TSBP1: variants seen among roughly 807,000 people sequenced by gnomAD.
The protein encoded by TSBP1 is testis expressed basic protein 1.
In TSBP1, 56 loss-of-function variants were observed where a neutral mutation model predicts 68.8. The ratio of observed to expected loss-of-function variants is 0.81; its 90% CI spans 0.66 to 1.02. The LOEUF is 1.02. Among genes scored for constraint, TSBP1 ranks in the 50% least tolerant of loss-of-function variants. The pLI is 0.00. For missense variants in TSBP1, 502 were observed against 641.2 expected (o/e 0.78, Z 2.34); for synonymous variants, 171 against 208.7 (o/e 0.82, Z 1.56).
intron 22 of TSBP1, among the ~76,000 whole-genome samples, chr6:32,297,900 T>A (rs937335358): frequency 1.3e-4 from 20 of 151,694 alleles, no homozygotes; most frequent in South Asian, 2.1e-4. Flanking sequence ...CTCTATTTTT[T>A]AAAAAAAATA....
At chr6:32,349,837 G>A in intron 8 of TSBP1, 77 bp from the exon 9 acceptor site, 1 of 1,538,462 alleles carries the variant, frequency 6.5e-7, no homozygotes, top group East Asian at 2.2e-5. Flanking sequence ...ACACTATATT[G>A]CAGAAAGGTT....
Position 32,315,593 on chromosome 6 carries a change from T to A in TSBP1, c.580+179A>T, listed in dbSNP as rs116758467. ...AAACAAAACAAAAAAACCTAAATAA[T>A]GGGAAATATTACAGTTATGAATCAA... is the stretch of plus-strand genomic sequence containing the variant. On this transcript the variant is annotated intron_variant, in intron 19 of 22. Coordinates refer to ENST00000612031, the Ensembl canonical transcript of TSBP1. This position sits in a 1 kb window ranked among gnomAD's most constrained non-coding sequence, Gnocchi z 5.4. Among the ~76,000 whole-genome samples the A allele has an allele frequency of 0.026, 3,972 of 152,110 alleles. 128 individuals carry two copies. The highest frequency in any genetic ancestry group is 0.15 in the East Asian group (784 of 5,172).
intron 17 of TSBP1, 96 bp downstream of exon 18, chr6:32,323,495 G>C (rs199605309): frequency 2.7e-5 from 12 of 447,864 alleles, no homozygotes; most frequent in Non-Finnish European, 3.8e-5. Context: ...GCTGCACACA[G>C]AGTTAGAAAT....
chr6:32,293,861 A>G, exon 23 of TSBP1: 3 of 1,612,586 alleles, frequency 1.9e-6, no homozygotes, highest in Non-Finnish European at 8.5e-7. Flanking sequence ...TGGCTCCTTT[A>G]TGTGTGCTGA....
In TSBP1 at chr6:32,306,114, T is replaced by C. The variant is rs1419613799; in HGVS notation, c.581-3485A>G. On this transcript the variant is annotated intron_variant, in intron 19 of 22. Transcript: ENST00000612031. The surrounding 1 kb of genome is among the most constrained non-coding windows in gnomAD (Gnocchi z 5.1). ...GAACTCTTTTTTTGTTTAAAGGACC[T>C]TCACCCATTCCTGCATGTAAGTTAG... is the stretch of plus-strand genomic sequence containing the variant. Among the ~76,000 whole-genome samples the C allele has an allele frequency of 6.6e-6, 1 of 152,214 alleles. No individual in the cohort carries two copies. The highest frequency in any genetic ancestry group is 6.5e-5 in the Admixed American group (1 of 15,284).
chr6:32,349,665 G>A, intron 9 of TSBP1, 75 bp downstream of exon 9: 1 of 864,648 alleles, frequency 1.2e-6, no homozygotes. Context: ...AGAAGTCTGG[G>A]AAGTTTAGGA....
Position 32,325,574 on chromosome 6 carries a change from C to T in TSBP1, c.515-1960G>A, listed in dbSNP as rs1768133184. On this transcript the variant is annotated intron_variant, in intron 16 of 22. Transcript: ENST00000612031. This position sits in a 1 kb window ranked among gnomAD's most constrained non-coding sequence, Gnocchi z 4.4. ...GCATTAAAGAAGACACTGAAGAAAT[C>T]ACCTAAGAAATTATTTTGAGTAGTA... 2 of 882,658 alleles carry T rather than the reference C, an allele frequency of 2.3e-6. No individual in the cohort carries two copies. The highest frequency in any genetic ancestry group is 2.6e-5 in the South Asian group (2 of 77,142). The allele number at this position is 882,658 out of a possible 1,614,324, so 54.7% of individuals were successfully genotyped here.
intron 10 of TSBP1, 28 bp from the exon 12 acceptor site, chr6:32,339,027 T>G: frequency 6.2e-7 from 1 of 1,603,270 alleles, no homozygotes. Context: ...AAGGTGAGTT[T>G]GAAGAGAGCA....
exon 23 of TSBP1, chr6:32,293,741 C>G: frequency 6.2e-7 from 1 of 1,612,866 alleles, no homozygotes; most frequent in Non-Finnish European, 8.5e-7. Flanking sequence ...ACTCATCTCA[C>G]TGATTTTTAG....
intron 7 of TSBP1, 127 bp from the exon 8 acceptor site, chr6:32,355,271 T>A: frequency 1.1e-6 from 1 of 872,386 alleles, no homozygotes; most frequent in Non-Finnish European, 1.9e-6. Context: ...GAGTCATCAC[T>A]GATCTGGTGA....
intron 15 of TSBP1, 69 bp downstream of exon 16, chr6:32,331,965 T>C (rs1359852732): frequency 4.6e-6 from 5 of 1,089,954 alleles, no homozygotes; most frequent in East Asian, 4.7e-5. Flanking sequence ...ACTTAAACAG[T>C]TGGAGCCAGT....
At chr6:32,362,288 C>CAAAAAAAAAAA (rs9257083) in intron 6 of TSBP1, among the ~76,000 whole-genome samples, 18 of 101,172 alleles carry the variant, frequency 1.8e-4, no homozygotes, top group Non-Finnish European at 2.9e-4. Flanking sequence ...GACTCCGTCT[C>CAAAAAAAAAAA]AAAAAAAAAA....
intron 8 of TSBP1, among the ~76,000 whole-genome samples, chr6:32,354,773 C>T (rs1478252863): frequency 6.6e-6 from 1 of 151,738 alleles, no homozygotes; most frequent in Non-Finnish European, 1.5e-5. Context: ...GAGAAAAATG[C>T]AAATCGTAAT....
intron 17 of TSBP1, 23 bp from the exon 19 acceptor site, chr6:32,323,160 G>A (rs369456520): frequency 4.0e-6 from 6 of 1,504,654 alleles, no homozygotes; most frequent in Non-Finnish European, 4.6e-6. Context: ...GTAGATATTG[G>A]TGAAGATTTC....
chr6:32,335,704 C>T lies in TSBP1; in HGVS notation c.451+208G>A, dbSNP rs553182112. 2.6e-5 allele frequency among the ~76,000 whole-genome samples: 4 copies of T among 152,150 alleles called. No homozygotes were observed. The highest frequency in any genetic ancestry group is 4.8e-5 in the African/African-American group (2 of 41,428). On this transcript the variant is annotated intron_variant, in intron 13 of 22. Transcript: ENST00000612031. The surrounding 1 kb of genome is among the most constrained non-coding windows in gnomAD (Gnocchi z 5.5). ...CATTGGAAATCTGCAAGGGTTCATT[C>T]TCCACTTTGTAGTTTGTTTTTATTG...
rs574228570 is a variant in TSBP1 at position 32,322,603 on chromosome 6, C to T, written c.559+514G>A. 6.8e-6 allele frequency: 6 copies of T among 876,826 alleles called. No individual in the cohort carries two copies. The Admixed American group carries it at 7.1e-5, about 10-fold the overall frequency. 54.3% of individuals were successfully genotyped at this position (876,826 alleles called of 1,614,324 possible). ...TTTGCTGGAGTCTGTGAGGGGAGGA[C>T]TTGGGTGGGCAGTGAAGGAGGTATT... On this transcript the variant is annotated intron_variant, in intron 18 of 22. Transcript: ENST00000612031.
chr6:32,323,257 A>AAATACATAG, intron 17 of TSBP1, 120 bp from the exon 19 acceptor site: 2 of 691,878 alleles, frequency 2.9e-6, no homozygotes, highest in Non-Finnish European at 5.2e-6. Flanking sequence ...TTATGATTCT[A>AAATACATAG]TGACTATGTA....
At chr6:32,324,802 G>C (rs1768040681) in intron 16 of TSBP1, 1 of 1,352,924 alleles carries the variant, frequency 7.4e-7, no homozygotes, top group Non-Finnish European at 1.0e-6. Flanking sequence ...TTTAATCAAA[G>C]GCACTAGAAA....
chr6:32,366,991 G>A (rs2127662802), intron 4 of TSBP1, among the ~76,000 whole-genome samples: 1 of 151,990 alleles, frequency 6.6e-6, no homozygotes, highest in African/African-American at 2.4e-5. Flanking sequence ...GACAGCAAGC[G>A]AAGTGACTGA....
Sources: gnomAD v4.1 joint callset for allele counts (sites outside exome capture counted in the v4.1 genomes callset) on GRCh38, gnomAD v4.1.1 for gene constraint, Gnocchi (gnomAD v3.1) non-coding constraint, MANE v1.5 for transcripts, NCBI Gene and HGNC (gene_info 2026-07-23, HGNC 2026-07-21) for gene names.